The following RALYL variants were observed in gnomAD, a reference collection of about 807,000 sequenced individuals.
RALYL encodes the protein RALY RNA binding protein like.
Under a neutral mutation model 35.1 loss-of-function variants are expected in RALYL, and 29 were observed. That is an observed-to-expected ratio of 0.83 (90% CI 0.61 to 1.13). The LOEUF is 1.13. Ranked by LOEUF, RALYL falls within the 50% of genes most tolerant of loss-of-function variation. The pLI, the probability that RALYL is intolerant of heterozygous loss-of-function variation, is 0.00. For missense variants in RALYL, 359 were observed against 360.4 expected (o/e 1.00, Z 0.03); for synonymous variants, 120 against 127.6 (o/e 0.94, Z 0.40).
chr8:84,757,599 G>A (rs1406682560), intron 2 of RALYL, among the ~76,000 whole-genome samples: 1 of 152,088 alleles, frequency 6.6e-6, no homozygotes, highest in Non-Finnish European at 1.5e-5. Context: ...CACTGAATTT[G>A]TAATCTAAAT....
chr8:84,513,564 C>A (rs1359030564), intron 1 of RALYL, among the ~76,000 whole-genome samples: 1 of 152,002 alleles, frequency 6.6e-6, no homozygotes, highest in African/African-American at 2.4e-5. Context: ...TTAAGGACTC[C>A]AAGGTTTAAA....
At chr8:84,319,449 G>T (rs2130322554) in intron 1 of RALYL, among the ~76,000 whole-genome samples, 1 of 152,152 alleles carries the variant, frequency 6.6e-6, no homozygotes, top group Middle Eastern at 3.4e-3. Flanking sequence ...TTTGTGAATA[G>T]ATGACCAATT....
chr8:84,635,359 T>A (rs1356734382), intron 2 of RALYL, among the ~76,000 whole-genome samples: 1 of 143,862 alleles, frequency 7.0e-6, no homozygotes, highest in Non-Finnish European at 1.6e-5. Context: ...ATAGAAGAAC[T>A]ATTTCCAGGT....
intron 2 of RALYL, among the ~76,000 whole-genome samples, chr8:84,623,665 T>G (rs185465929): frequency 2.6e-5 from 4 of 152,180 alleles, no homozygotes; most frequent in Admixed American, 2.6e-4. Context: ...TCGAAGAAGT[T>G]TTTCTCTAAA....
chr8:84,389,094 T>C (rs1041110002), intron 1 of RALYL, among the ~76,000 whole-genome samples: 22 of 152,310 alleles, frequency 1.4e-4, no homozygotes, highest in Admixed American at 4.6e-4. Flanking sequence ...ATTTATTAAA[T>C]AGGGAATCCT....
intron 4 of RALYL, among the ~76,000 whole-genome samples, chr8:84,833,761 T>G (rs186937130): frequency 1.3e-5 from 2 of 152,002 alleles, no homozygotes; most frequent in East Asian, 3.9e-4. Flanking sequence ...ATAGACAAGG[T>G]AGTCTATGCT....
At chr8:84,705,532 T>C (rs1201030412) in intron 2 of RALYL, among the ~76,000 whole-genome samples, 1 of 152,188 alleles carries the variant, frequency 6.6e-6, no homozygotes, top group African/African-American at 2.4e-5. Flanking sequence ...ACATACAAAG[T>C]GTATCAGAGA....
intron 2 of RALYL, among the ~76,000 whole-genome samples, chr8:84,581,097 A>G (rs1810725168): frequency 6.6e-6 from 1 of 152,206 alleles, no homozygotes; most frequent in Non-Finnish European, 1.5e-5. Flanking sequence ...GTTGGGGCTC[A>G]GGACTCCAAG....
chr8:84,688,958 G>GA (rs373228112), intron 2 of RALYL, among the ~76,000 whole-genome samples: 3 of 151,184 alleles, frequency 2.0e-5, no homozygotes, highest in East Asian at 3.9e-4. Context: ...ACAGGTATAC[G>GA]AAAAAAAATT....
chr8:84,646,526 C>T (rs556224841), intron 2 of RALYL, among the ~76,000 whole-genome samples: 4 of 152,040 alleles, frequency 2.6e-5, no homozygotes, highest in East Asian at 3.9e-4. Flanking sequence ...AGCTGAAATG[C>T]GTCAATTCAA....
chr8:84,764,393 T>G (rs1813407872), intron 2 of RALYL, among the ~76,000 whole-genome samples: 1 of 152,224 alleles, frequency 6.6e-6, no homozygotes, highest in African/African-American at 2.4e-5. Context: ...CATTTTAATT[T>G]TATTCCTAAT....
rs1197508480 is a variant in RALYL, at chr8:84,913,022, GGATGGATGGATA to G, written c.859-7870_859-7859del. Among the ~76,000 whole-genome samples the G allele has an allele frequency of 2.4e-4, 28 of 114,562 alleles. 1 individual carries two copies. The highest frequency in any genetic ancestry group is 4.3e-3 in the Middle Eastern group (1 of 230). The allele number at this position is 114,562 out of a possible 152,430, so 75.2% of individuals were successfully genotyped here. On this transcript the variant is annotated intron_variant, in intron 8 of 8. Coordinates refer to ENST00000521268, the MANE Select transcript of RALYL (RefSeq NM_173848.7). ...TGGATGGATGGATGGATGGATGGAT[GGATGGATGGATA>G]GGTAGGTAGATAGATAGATAGATAG...
chr8:84,811,246 A>G (rs1262323215), intron 4 of RALYL, among the ~76,000 whole-genome samples: 1 of 152,152 alleles, frequency 6.6e-6, no homozygotes, highest in Non-Finnish European at 1.5e-5. Flanking sequence ...TTGTCTGAGA[A>G]AGATGGTATG....
chr8:84,541,940 CTTAATAT>C (rs1261384357), intron 2 of RALYL, among the ~76,000 whole-genome samples: 1 of 151,908 alleles, frequency 6.6e-6, no homozygotes, highest in Non-Finnish European at 1.5e-5. Flanking sequence ...GATCCTGTGT[CTTAATAT>C]TTAAAGTGTT....
intron 2 of RALYL, among the ~76,000 whole-genome samples, chr8:84,599,891 C>G (rs1222198259): frequency 1.3e-5 from 2 of 148,938 alleles, no homozygotes; most frequent in Admixed American, 1.3e-4. Flanking sequence ...ATGTGAGAAA[C>G]TTGTTCAGGG....
intron 1 of RALYL, among the ~76,000 whole-genome samples, chr8:84,522,533 G>C (rs2058544986): frequency 6.6e-6 from 1 of 152,110 alleles, no homozygotes; most frequent in South Asian, 2.1e-4. Context: ...ACAGGCGTGA[G>C]CCACCGCGCC....
chr8:84,911,132 T>C (rs182836821), intron 8 of RALYL, among the ~76,000 whole-genome samples: 117 of 152,168 alleles, frequency 7.7e-4, no homozygotes, highest in Non-Finnish European at 1.5e-3. Context: ...TTAATTTCCT[T>C]TTCTCCCCAC....
chr8:84,376,245 T>C (rs1856892598), intron 1 of RALYL, among the ~76,000 whole-genome samples: 2 of 151,920 alleles, frequency 1.3e-5, no homozygotes, highest in Non-Finnish European at 2.9e-5. Context: ...GGAATAGTTT[T>C]ATTTTACATT....
At chr8:84,184,854 C>T (rs1483615843) in intron 1 of RALYL, 6 of 965,482 alleles carry the variant, frequency 6.2e-6, no homozygotes, top group Non-Finnish European at 9.7e-6. Flanking sequence ...CTCAGAGCAC[C>T]CGGGAGATGG....
Sources: gnomAD v4.1 joint callset for allele counts (sites outside exome capture counted in the v4.1 genomes callset) on GRCh38, gnomAD v4.1.1 for gene constraint, MANE v1.5 for transcripts, NCBI Gene and HGNC (gene_info 2026-07-23, HGNC 2026-07-21) for gene names.